The following CRHBP variants were observed in gnomAD, a reference collection of about 807,000 sequenced individuals.
CRHBP encodes the protein corticotropin-releasing hormone-binding protein.
A neutral mutation model predicts 34.9 loss-of-function variants in CRHBP; 19 were observed. The ratio of observed to expected loss-of-function variants is 0.55; its 90% CI spans 0.38 to 0.80. CRHBP has a LOEUF of 0.80. Ranked by LOEUF, CRHBP falls within the 30% of genes least tolerant of loss-of-function variation. The pLI is 0.00. For synonymous variants in CRHBP, 154 were observed against 153.4 expected (o/e 1.00, Z -0.03); for missense variants, 328 against 409.2 (o/e 0.80, Z 1.71).
chr5:76,956,606 G>A (rs1203054316), intron 4 of CRHBP, among the ~76,000 whole-genome samples: 1 of 152,068 alleles, frequency 6.6e-6, no homozygotes, highest in Admixed American at 6.6e-5. Context: ...GTGGTGGTGG[G>A]CGCCTGTAGT....
At position 76,953,229 on chromosome 5, in the gene CRHBP, G is replaced by A. The variant is rs754230567; in HGVS notation, c.81+14G>A. ...CGGTACCTAGAGGTGAGCCACCCCT[G>A]GACTGACCCATCTCACCTTCCTTGC... On this transcript the variant is annotated intron_variant, in intron 1 of 6. Transcript: ENST00000274368. 7.4e-6 allele frequency: 12 copies of A among 1,611,046 alleles called. No individual in the cohort carries two copies. The Admixed American group carries it at 2.0e-4, about 27-fold the overall frequency.
At chr5:76,965,976 C>T (rs577803160) in intron 6 of CRHBP, among the ~76,000 whole-genome samples, 6 of 152,260 alleles carry the variant, frequency 3.9e-5, no homozygotes, top group South Asian at 2.1e-4. Context: ...CCCTAGCGAG[C>T]GGCTCAAGGG....
chr5:76,981,108 A>C (rs988974530), exon 4 of CRHBP: 1 of 152,204 alleles, frequency 6.6e-6, no homozygotes, highest in African/African-American at 2.4e-5. Context: ...AGATGGCGAG[A>C]TCCAAAATAA....
chr5:76,957,460 C>T (rs1406878978), intron 4 of CRHBP, among the ~76,000 whole-genome samples: 1 of 152,196 alleles, frequency 6.6e-6, no homozygotes, highest in African/African-American at 2.4e-5. Flanking sequence ...GATCTTGGCT[C>T]ACTGCAACCT....
At chr5:76,953,780 T>C in intron 2 of CRHBP, 86 bp downstream of exon 2, 1 of 1,399,848 alleles carries the variant, frequency 7.1e-7, no homozygotes, top group Non-Finnish European at 9.8e-7. Flanking sequence ...CGCGGACATC[T>C]CGGGGAAGGG....
intron 5 of CRHBP, among the ~76,000 whole-genome samples, chr5:76,961,954 G>A (rs1165373044): frequency 6.6e-6 from 1 of 151,924 alleles, no homozygotes; most frequent in Admixed American, 6.6e-5. Context: ...GGGTTTCACC[G>A]TGTTGGCCAG....
chr5:76,964,625 G>T (rs146512405), intron 6 of CRHBP, among the ~76,000 whole-genome samples: 3 of 152,174 alleles, frequency 2.0e-5, no homozygotes, highest in African/African-American at 7.2e-5. Flanking sequence ...AGGCCGAAGC[G>T]GGCAGATTAC....
chr5:76,978,560 T>C (rs140640082), intron 3 of CRHBP, among the ~76,000 whole-genome samples: 1 of 152,284 alleles, frequency 6.6e-6, no homozygotes, highest in African/African-American at 2.4e-5. Context: ...TTCAAAATAT[T>C]ACTGCTCATT....
At chr5:76,955,319 T>A (rs956777138) in intron 3 of CRHBP, among the ~76,000 whole-genome samples, 1 of 152,242 alleles carries the variant, frequency 6.6e-6, no homozygotes, top group African/African-American at 2.4e-5. Flanking sequence ...TGTGGAATTC[T>A]TCTGAAGGTG....
chr5:76,964,999 AAG>A (rs1457976578), intron 6 of CRHBP, among the ~76,000 whole-genome samples: 3 of 151,550 alleles, frequency 2.0e-5, no homozygotes, highest in Non-Finnish European at 4.4e-5. Flanking sequence ...AATAAAAAAA[AAG>A]AAAAGAATCA....
At chr5:76,966,987 A>T (rs1745868932) in intron 6 of CRHBP, among the ~76,000 whole-genome samples, 1 of 152,226 alleles carries the variant, frequency 6.6e-6, no homozygotes, top group South Asian at 2.1e-4. Context: ...TCATGCCTGT[A>T]ATCCCAACAC....
At chr5:76,980,254 CAAAAAAAAAA>C (rs574362034) in intron 3 of CRHBP, among the ~76,000 whole-genome samples, 10 of 82,414 alleles carry the variant, frequency 1.2e-4, no homozygotes, top group Non-Finnish European at 2.2e-4. Context: ...GACTCCGTCT[CAAAAAAAAAA>C]AAAAAAAAAA....
chr5:76,955,424 A>G (rs1279025077), intron 3 of CRHBP, among the ~76,000 whole-genome samples: 1 of 152,234 alleles, frequency 6.6e-6, no homozygotes, highest in Non-Finnish European at 1.5e-5. Flanking sequence ...AAGTTTACTT[A>G]CTTTGGAAGC....
In CRHBP at chr5:76,965,687, A is replaced by T. The variant is rs200726303; in HGVS notation, c.811+2227A>T. 3.5e-4 allele frequency among the ~76,000 whole-genome samples: 54 copies of T among 152,332 alleles called. No individual in the cohort carries two copies. In the East Asian group the frequency reaches 4.6e-3, roughly 13 times the overall value. On this transcript the variant is annotated intron_variant, in intron 6 of 6. Transcript: ENST00000274368. ...ATAACTTGAATTAGAAAAAAAGGTGATTCTAAAGCCAGAAAACCACTTTTG... is the reference window on the plus strand; with the variant it reads ...ATAACTTGAATTAGAAAAAAAGGTGTTTCTAAAGCCAGAAAACCACTTTTG...
chr5:76,963,271 C>T (rs1745809995), intron 5 of CRHBP, 72 bp from the exon 6 acceptor site: 11 of 1,243,376 alleles, frequency 8.8e-6, no homozygotes, highest in Admixed American at 5.1e-5. Flanking sequence ...TTCATGGACC[C>T]GCTGTTGGTC....
chr5:76,979,841 T>C (rs1746091213), intron 3 of CRHBP, among the ~76,000 whole-genome samples: 1 of 152,206 alleles, frequency 6.6e-6, no homozygotes, highest in South Asian at 2.1e-4. Flanking sequence ...CTTCAAGGTA[T>C]GCCTGTATAT....
At chr5:76,975,825 A>AAAAAAAAAAATTATATATATATAT in intron 2 of CRHBP, among the ~76,000 whole-genome samples, 1 of 61,846 alleles carries the variant, frequency 1.6e-5, no homozygotes, top group African/African-American at 9.1e-5. Flanking sequence ...AAAAAAAAAA[A>AAAAAAAAAAATTATATATATATAT]ATATATATAT....
At chr5:76,971,331 C>T (rs2150710608), downstream of CRHBP, among the ~76,000 whole-genome samples, 1 of 152,194 alleles carries the variant, frequency 6.6e-6, no homozygotes, top group Middle Eastern at 3.4e-3. Context: ...GGTTTTTGGC[C>T]ACATTAAATG....
chr5:76,958,586 T>C (rs1233650516), intron 4 of CRHBP, 155 bp from the exon 5 acceptor site: 5 of 722,490 alleles, frequency 6.9e-6, no homozygotes, highest in Admixed American at 3.3e-5. Flanking sequence ...AAATCCTTCC[T>C]GTCTCCAAAT....
Sources: gnomAD v4.1 joint callset for allele counts (sites outside exome capture counted in the v4.1 genomes callset) on GRCh38, gnomAD v4.1.1 for gene constraint, MANE v1.5 for transcripts, NCBI Gene and HGNC (gene_info 2026-07-23, HGNC 2026-07-21) for gene names.